The following SIMC1 variants were observed in gnomAD, a reference collection of about 807,000 sequenced individuals.
SIMC1 encodes the protein SUMO-interacting motif-containing protein 1.
Under a neutral mutation model 82.3 loss-of-function variants are expected in SIMC1, and 55 were observed. The ratio of observed to expected loss-of-function variants is 0.67; its 90% CI spans 0.54 to 0.84. The LOEUF (loss-of-function observed/expected upper bound fraction) is 0.84, where lower values mean the gene tolerates loss of function less well. Ranked by LOEUF, SIMC1 falls within the 40% of genes least tolerant of loss-of-function variation. SIMC1 has a pLI of 0.00. For synonymous variants in SIMC1, 353 were observed against 426.3 expected (o/e 0.83, Z 2.12); for missense variants, 915 against 1,107.2 (o/e 0.83, Z 2.46).
At chr5:176,299,567 A>G (rs1486171546) in intron 4 of SIMC1, among the ~76,000 whole-genome samples, 1 of 152,220 alleles carries the variant, frequency 6.6e-6, no homozygotes, top group African/African-American at 2.4e-5. Flanking sequence ...AAAAGGGTCA[A>G]TTCACCAAGG....
rs779549581 is a variant in SIMC1, at chr5:176,295,180, A to G, written c.1582A>G (p.Ile528Val). ...HYPPREIVAH[I>V]IQKILLSGSE... Reference sequence around the variant, plus strand: ...CCCACCAAGAGAAATCGTGGCTCACATCATCCAGAAAATCTTGCTCAGTGG... The same window carrying G: ...CCCACCAAGAGAAATCGTGGCTCACGTCATCCAGAAAATCTTGCTCAGTGG... Residue 528 changes from isoleucine (I) to valine (V), a missense_variant, in exon 3 of 10, where the codon ATC becomes GTC. Physicochemically the swap from Ile to Val is conservative, Grantham distance 29. Around this residue, in one of 2 missense-constraint regions of SIMC1, gnomAD observed 902 missense variants for 1,040.3 expected, o/e 0.87. Transcript: ENST00000429602. 7.4e-6 allele frequency: 12 copies of G among 1,613,414 alleles called. No homozygotes were observed. The East Asian group carries it at 1.8e-4, about 24-fold the overall frequency.
intron 6 of SIMC1, among the ~76,000 whole-genome samples, chr5:176,324,148 A>T (rs1377275089): frequency 6.6e-6 from 1 of 152,126 alleles, no homozygotes. Context: ...CCACCAGGGG[A>T]GGTTCTGAGA....
At chr5:176,268,616 C>A (rs1473288986) in intron 1 of SIMC1, among the ~76,000 whole-genome samples, 1 of 152,136 alleles carries the variant, frequency 6.6e-6, no homozygotes, top group Admixed American at 6.5e-5. Flanking sequence ...AGAGTTAATA[C>A]ATTGGGAAGT....
Position 176,289,839 on chromosome 5 carries a change from C to T in SIMC1, c.315C>T (p.Gly105=). ...TTCAGACATGTGCCAGCCTCTCTGG[C>T]AAAGCGGTGATGGAAGGGCACGTGG... ...TSLQTCASLS[G]KAVMEGHVDR... is the part of the protein sequence containing the mutation. The change falls in exon 2 of 10, where the codon GGC becomes GGT. Residue 105 remains glycine, a synonymous_variant. Coordinates refer to ENST00000429602, the MANE Select transcript of SIMC1 (RefSeq NM_001308195.2). The T allele has an allele frequency of 6.2e-7, 1 of 1,613,960 alleles. No individual in the cohort carries two copies. Among genetic ancestry groups the T allele is most frequent in the Non-Finnish European group, 8.5e-7 (1 of 1,179,876 alleles).
At chr5:176,341,707 A>G (rs1766154939) in intron 9 of SIMC1, among the ~76,000 whole-genome samples, 1 of 152,218 alleles carries the variant, frequency 6.6e-6, no homozygotes, top group Admixed American at 6.5e-5. Flanking sequence ...TGCAAAGAAG[A>G]TGAAGAGCTC....
intron 5 of SIMC1, 76 bp downstream of exon 5, chr5:176,313,921 C>T (rs940130253): frequency 8.2e-6 from 13 of 1,582,468 alleles, no homozygotes; most frequent in Non-Finnish European, 1.0e-5. Flanking sequence ...GCCAGAATAT[C>T]AGCCAGGTGA....
chr5:176,252,744 C>T (rs1339709351), intron 1 of SIMC1, among the ~76,000 whole-genome samples: 2 of 152,082 alleles, frequency 1.3e-5, no homozygotes, highest in African/African-American at 2.4e-5. Context: ...GGGTGGCGGC[C>T]GGGCAGAGGC....
At chr5:176,307,938 A>G (rs1764498407) in intron 4 of SIMC1, 2 of 557,026 alleles carry the variant, frequency 3.6e-6, no homozygotes, top group Non-Finnish European at 6.4e-6. Context: ...CATACATTCA[A>G]ATGTTCAAAG....
intron 4 of SIMC1, among the ~76,000 whole-genome samples, chr5:176,305,138 G>A (rs10059894): frequency 2.3e-5 from 1 of 42,690 alleles, no homozygotes; most frequent in African/African-American, 6.2e-5. Flanking sequence ...CATCCAGGAG[G>A]GGGGGGGGGT....
chr5:176,246,812 A>G (rs1194715768), intron 1 of SIMC1, among the ~76,000 whole-genome samples: 1 of 149,452 alleles, frequency 6.7e-6, no homozygotes, highest in African/African-American at 2.5e-5. Context: ...CCCTGTGTCC[A>G]TGTGTTCTCA....
At chr5:176,246,095 C>T (rs1761430899) in intron 1 of SIMC1, among the ~76,000 whole-genome samples, 1 of 150,962 alleles carries the variant, frequency 6.6e-6, no homozygotes, top group Non-Finnish European at 1.5e-5. Flanking sequence ...CTGCAACCTC[C>T]ACCTCCCGGA....
chr5:176,271,709 ATGAC>A (rs1323229714), intron 1 of SIMC1, among the ~76,000 whole-genome samples: 3 of 151,658 alleles, frequency 2.0e-5, no homozygotes, highest in African/African-American at 7.3e-5. Flanking sequence ...ACATTTCAAA[ATGAC>A]TGAGGGAGTA....
rs1763531891 is a variant in SIMC1, at chr5:176,290,929, C to G, written c.1405C>G (p.Leu469Val). The G allele has an allele frequency of 6.2e-7, 1 of 1,602,056 alleles. No individual in the cohort carries two copies. The highest frequency in any genetic ancestry group is 8.5e-7 in the Non-Finnish European group (1 of 1,173,030). The change falls in exon 2 of 10, where the codon CTA becomes GTA. Residue 469 changes from leucine (L) to valine (V), a missense_variant. Leu to Val is a conservative substitution (Grantham distance 32). Coordinates refer to ENST00000429602, the MANE Select transcript of SIMC1 (RefSeq NM_001308195.2). ...GGTTCATCACCTCTTCTTTCAGACG[C>G]TAATACCGGATAAAGACACAAGAGA... ...PPVHHLFFQT[L>V]IPDKDTRENK...
intron 9 of SIMC1, among the ~76,000 whole-genome samples, chr5:176,344,847 T>C (rs1181136073): frequency 6.6e-6 from 1 of 152,256 alleles, no homozygotes; most frequent in African/African-American, 2.4e-5. Context: ...ATCATACTCA[T>C]GTTAAATACT....
intron 1 of SIMC1, among the ~76,000 whole-genome samples, chr5:176,280,096 T>C (rs1231873358): frequency 6.6e-6 from 1 of 152,142 alleles, no homozygotes; most frequent in East Asian, 1.9e-4. Context: ...CCATTATTAA[T>C]GTGTGGGAGT....
intron 9 of SIMC1, among the ~76,000 whole-genome samples, chr5:176,340,302 G>A (rs1010666976): frequency 5.3e-5 from 8 of 152,182 alleles, no homozygotes; most frequent in Non-Finnish European, 1.0e-4. Context: ...TTGGCCGAGA[G>A]AATCAATCCC....
In SIMC1 at chr5:176,290,172, A is replaced by G. The variant is rs1561697841; in HGVS notation, c.648A>G (p.Pro216=). 4 of 1,612,174 alleles carry G rather than the reference A, an allele frequency of 2.5e-6. No individual in the cohort carries two copies. The highest frequency in any genetic ancestry group is 1.7e-5 in the Admixed American group (1 of 59,650). ...PCPQQDVSRP[P]QALPCPLRPL... is the part of the protein sequence containing the mutation. ...CACAGCAAGATGTATCTCGCCCACC[A>G]CAGGCCTTGCCGTGCCCCCTGCGAC... is the stretch of plus-strand genomic sequence containing the variant. The change falls in exon 2 of 10, where the codon CCA becomes CCG. Residue 216 remains proline (P), a synonymous_variant. Coordinates refer to ENST00000429602, the MANE Select transcript of SIMC1 (RefSeq NM_001308195.2).
intron 7 of SIMC1, among the ~76,000 whole-genome samples, chr5:176,329,441 C>CAGTCCAGCCTGGGCGAAAG (rs1258594006): frequency 2.7e-5 from 4 of 148,770 alleles, no homozygotes; most frequent in South Asian, 2.1e-4. Context: ...AGTGCAACTG[C>CAGTCCAGCCTGGGCGAAAG]AGTCCAGCCT....
chr5:176,300,868 C>G (rs1308551260), intron 4 of SIMC1, among the ~76,000 whole-genome samples: 2 of 152,000 alleles, frequency 1.3e-5, no homozygotes, highest in Non-Finnish European at 2.9e-5. Flanking sequence ...GGAGTAATTC[C>G]TAGAAACCTA....
Sources: allele counts gnomAD v4.1 joint callset (sites outside exome capture counted in the v4.1 genomes callset), GRCh38; gene constraint gnomAD v4.1.1; regional missense constraint gnomAD v4.1.1; transcripts MANE v1.5; gene names NCBI Gene and HGNC (gene_info 2026-07-23, HGNC 2026-07-21).